Variants in TMEM245 observed in about 807,000 individuals in gnomAD.
The protein encoded by TMEM245 is protein CG-2.
TMEM245 carries 69 observed loss-of-function variants against 101.2 expected under a neutral mutation model. The observed-to-expected ratio is 0.68, with a 90% CI of 0.56 to 0.83. The LOEUF (loss-of-function observed/expected upper bound fraction) is 0.83. TMEM245 is among the 40% of genes least tolerant of loss of function. The probability of loss-of-function intolerance (pLI) is 0.00; values close to 1 mark genes in which losing one functional copy is unlikely to be tolerated. For missense variants in TMEM245, 1,075 were observed against 1,092.8 expected (o/e 0.98, Z 0.23); for synonymous variants, 537 against 449.8 (o/e 1.19, Z -2.45).
At chr9:109,046,598 C>T (rs1019355949) in intron 14 of TMEM245, among the ~76,000 whole-genome samples, 1 of 152,120 alleles carries the variant, frequency 6.6e-6, no homozygotes, top group Non-Finnish European at 1.5e-5. Context: ...ATGCAATTAA[C>T]CCCCAATTTC....
At chr9:109,093,133 T>C (rs186572855) in intron 4 of TMEM245, among the ~76,000 whole-genome samples, 62 of 151,122 alleles carry the variant, frequency 4.1e-4, no homozygotes, top group Middle Eastern at 3.4e-3. Context: ...ATGCGTAAAG[T>C]GGAGGGAAAT....
chr9:109,026,361 G>A (rs979998280), intron 17 of TMEM245, among the ~76,000 whole-genome samples: 1 of 152,228 alleles, frequency 6.6e-6, no homozygotes, highest in Middle Eastern at 3.4e-3. Flanking sequence ...CCTAATCTTG[G>A]GGGTAGGAAA....
chr9:109,115,548 T>TTTTTTTG (rs1260878618), intron 1 of TMEM245, among the ~76,000 whole-genome samples: 1 of 119,490 alleles, frequency 8.4e-6, no homozygotes, highest in African/African-American at 3.0e-5. Flanking sequence ...TTTTTTTTTT[T>TTTTTTTG]AAGACAGAGT....
chr9:109,093,204 CA>C (rs1170355324), intron 4 of TMEM245, among the ~76,000 whole-genome samples: 1 of 151,722 alleles, frequency 6.6e-6, no homozygotes, highest in African/African-American at 2.4e-5. Context: ...CAATGAATAA[CA>C]GAAGAAAAAT....
chr9:109,023,204 T>TAA (rs1332447098), intron 17 of TMEM245, among the ~76,000 whole-genome samples: 1 of 152,176 alleles, frequency 6.6e-6, no homozygotes, highest in Non-Finnish European at 1.5e-5. Flanking sequence ...TGTAGGGTGT[T>TAA]AGGGTGATTG....
intron 17 of TMEM245, among the ~76,000 whole-genome samples, chr9:109,028,983 T>C (rs1432024290): frequency 6.6e-6 from 1 of 152,174 alleles, no homozygotes; most frequent in African/African-American, 2.4e-5. Flanking sequence ...AAATGTACGT[T>C]AAGCTGCTAA....
chr9:109,055,696 G>GC (rs1828812859), intron 12 of TMEM245, among the ~76,000 whole-genome samples: 1 of 150,900 alleles, frequency 6.6e-6, no homozygotes, highest in Non-Finnish European at 1.5e-5. Context: ...GCTCAGTGGC[G>GC]CAATCTCAGC....
At chr9:109,117,633 G>A (rs1050154874) in intron 1 of TMEM245, among the ~76,000 whole-genome samples, 1 of 152,194 alleles carries the variant, frequency 6.6e-6, no homozygotes, top group African/African-American at 2.4e-5. Flanking sequence ...CTGAGTATCT[G>A]AGAGAGACTG....
chr9:109,041,223 G>A (rs1828292796), intron 14 of TMEM245, among the ~76,000 whole-genome samples: 2 of 152,108 alleles, frequency 1.3e-5, no homozygotes, highest in African/African-American at 4.8e-5. Flanking sequence ...CACAGTAGAT[G>A]CTCAATAAGC....
chr9:109,072,778 G>A (rs1252412110), intron 9 of TMEM245, among the ~76,000 whole-genome samples: 2 of 152,208 alleles, frequency 1.3e-5, no homozygotes, highest in Non-Finnish European at 2.9e-5. Context: ...GGCTAAAGCA[G>A]GAGAACTGCT....
Position 109,047,633 on chromosome 9 carries a change from A to G in TMEM245, c.2123+2650T>C, listed in dbSNP as rs562569842. Among the ~76,000 whole-genome samples, 5 of 152,390 alleles carry G rather than the reference A, an allele frequency of 3.3e-5. No individual in the cohort carries two copies. The South Asian group carries it at 1.0e-3, about 32-fold the overall frequency. On this transcript the variant is annotated intron_variant, in intron 14 of 17. Coordinates refer to ENST00000374586, the MANE Select transcript of TMEM245 (RefSeq NM_032012.4). The stretch of plus-strand genomic sequence containing the variant: ...GTATGAAAAAAGGTGACAGACATTT[A>G]GAGGATGGTCTGCTGTAAGAAAGCA...
chr9:109,044,769 T>A (rs935864147), intron 14 of TMEM245, among the ~76,000 whole-genome samples: 3 of 151,094 alleles, frequency 2.0e-5, no homozygotes, highest in Admixed American at 2.0e-4. Context: ...TTGGTTTTTT[T>A]TTTTTTTTTT....
At chr9:109,028,619 A>G (rs766674119) in intron 17 of TMEM245, among the ~76,000 whole-genome samples, 7 of 152,092 alleles carry the variant, frequency 4.6e-5, no homozygotes, top group Non-Finnish European at 8.8e-5. Flanking sequence ...AATGTCCCTC[A>G]TTAGCTGACT....
chr9:109,018,571 A>G lies in TMEM245; in HGVS notation c.*1889T>C, dbSNP rs1827520279. On this transcript the variant is annotated 3_prime_UTR_variant, in exon 18 of 18. Transcript: ENST00000374586. ...CCATATAGTCAAAAGATCTCATGGT[A>G]GCCTTTTCTAAATGAAATTTTTCTT... 1 of 152,344 alleles carries G rather than the reference A, an allele frequency of 6.6e-6. No homozygotes were observed. Among genetic ancestry groups the G allele is most frequent in the South Asian group, 2.1e-4 (1 of 4,824 alleles). The allele number at this position is 152,344 out of a possible 1,614,324, so 9.4% of individuals were successfully genotyped here.
intron 3 of TMEM245, among the ~76,000 whole-genome samples, chr9:109,096,838 T>C (rs1458748530): frequency 6.6e-6 from 1 of 152,248 alleles, no homozygotes; most frequent in Non-Finnish European, 1.5e-5. Flanking sequence ...AGTCCCTTGA[T>C]GGTTTTTGCA....
chr9:109,053,963 T>C (rs1426771466), intron 12 of TMEM245, among the ~76,000 whole-genome samples: 2 of 152,124 alleles, frequency 1.3e-5, no homozygotes, highest in Non-Finnish European at 2.9e-5. Context: ...ATCTTTCTTA[T>C]CTTTAAAGGA....
chr9:109,075,778 T>C (rs2132500528), intron 8 of TMEM245, among the ~76,000 whole-genome samples: 1 of 152,354 alleles, frequency 6.6e-6, no homozygotes, highest in South Asian at 2.1e-4. Context: ...TTTATTGATG[T>C]TTTTCAAAGA....
At position 109,064,944 on chromosome 9, in the gene TMEM245, C is replaced by T. The variant is rs570206748; in HGVS notation, c.1533-377G>A. ...AGCTGAGATCATAGGCACGTCACCA[C>T]GCCTGGCTAATTTTGTATTTTAGTA... On this transcript the variant is annotated intron_variant, in intron 9 of 17. Coordinates refer to ENST00000374586, the MANE Select transcript of TMEM245 (RefSeq NM_032012.4). Among the ~76,000 whole-genome samples the T allele has an allele frequency of 3.3e-5, 5 of 152,228 alleles. No individual in the cohort carries two copies. In the South Asian group the frequency reaches 1.0e-3, roughly 32 times the overall value.
At chr9:109,063,243 C>A (rs1829068680) in intron 10 of TMEM245, among the ~76,000 whole-genome samples, 1 of 151,894 alleles carries the variant, frequency 6.6e-6, no homozygotes, top group African/African-American at 2.4e-5. Context: ...CCTCAGCCTC[C>A]TGAGTAGCTC....
Sources: allele counts gnomAD v4.1 joint callset (sites outside exome capture counted in the v4.1 genomes callset), GRCh38; gene constraint gnomAD v4.1.1; transcripts MANE v1.5; gene names NCBI Gene and HGNC (gene_info 2026-07-23, HGNC 2026-07-21).